The following WNT7B variants were observed in gnomAD, a reference collection of about 807,000 sequenced individuals.
WNT7B encodes the protein protein Wnt-7b.
WNT7B carries 19 observed loss-of-function variants against 38.2 expected under a neutral mutation model. The ratio of observed to expected loss-of-function variants is 0.50; its 90% confidence interval spans 0.35 to 0.73. The LOEUF (loss-of-function observed/expected upper bound fraction) is 0.73, where lower values mean the gene tolerates loss of function less well. WNT7B is among the 30% of genes least tolerant of loss of function. The pLI is 0.01. For missense variants in WNT7B, 423 were observed against 507.9 expected, an observed-to-expected ratio of 0.83 and a Z score of 1.61; for synonymous variants, 243 against 209.3, an observed-to-expected ratio of 1.16 and a Z score of -1.39.
rs2146709931 is a variant in WNT7B at position 45,929,590 on chromosome 22, ATTCATGCATCCATCCACCTG to A, written c.570+1488_570+1507del. Among the ~76,000 whole-genome samples the A allele has an allele frequency of 4.3e-5, 6 of 139,798 alleles. No homozygotes were observed. In the South Asian group the frequency reaches 1.4e-3, roughly 32 times the overall value. The allele number at this position is 139,798 out of a possible 152,430, so 91.7% of individuals were successfully genotyped here. A position where few individuals can be genotyped will look rare whatever the true frequency, so the allele number is the denominator to read the frequency against. On this transcript the variant is annotated intron_variant, in intron 3 of 3. Coordinates refer to ENST00000339464, the MANE Select transcript of WNT7B (RefSeq NM_058238.3). The stretch of plus-strand genomic sequence containing the variant: ...CCCTCATTCATCCATACTTCCATCC[ATTCATGCATCCATCCACCTG>A]CCCATACACCCATCCTTCCATCCAT...
chr22:45,935,935 C>T, intron 2 of WNT7B: 1 of 985,288 alleles, frequency 1.0e-6, no homozygotes, highest in African/African-American at 1.7e-5. Flanking sequence ...CCTGCTGGTA[C>T]ACTTGGGTCT....
chr22:45,971,296 G>T lies in WNT7B; in HGVS notation c.71+5388C>A, dbSNP rs541768059. ...GAGAGCAGGCTCTGAGGTTTAATCA[G>T]TAGCATCCAGCTTAAATTCCCCCAA... is the stretch of plus-strand genomic sequence containing the variant. On this transcript the variant is annotated intron_variant, in intron 1 of 3. Transcript: ENST00000339464. 3.3e-5 allele frequency among the ~76,000 whole-genome samples: 5 copies of T among 152,198 alleles called. No homozygotes were observed. The South Asian group carries it at 1.0e-3, about 31-fold the overall frequency.
intron 2 of WNT7B, among the ~76,000 whole-genome samples, chr22:45,943,209 TC>T (rs1410953484): frequency 6.6e-6 from 1 of 152,198 alleles, no homozygotes; most frequent in Non-Finnish European, 1.5e-5. Context: ...TCCCTCTCTG[TC>T]CCTCTGTCTC....
chr22:45,971,407 C>T (rs925807378), intron 1 of WNT7B, among the ~76,000 whole-genome samples: 14 of 152,234 alleles, frequency 9.2e-5, no homozygotes, highest in Admixed American at 4.6e-4. Context: ...GCCACCACTG[C>T]GCGCCCCCTG....
At chr22:45,961,451 C>A (rs1932195110) in intron 1 of WNT7B, among the ~76,000 whole-genome samples, 1 of 152,198 alleles carries the variant, frequency 6.6e-6, no homozygotes, top group South Asian at 2.1e-4. Flanking sequence ...GGCCCTGGAA[C>A]CGTTTCCCAC....
chr22:45,960,504 C>T (rs1932172076), intron 1 of WNT7B, among the ~76,000 whole-genome samples: 1 of 152,182 alleles, frequency 6.6e-6, no homozygotes, highest in Admixed American at 6.5e-5. Context: ...CAGCCCCCTC[C>T]CCAGCTCTCT....
intron 2 of WNT7B, among the ~76,000 whole-genome samples, chr22:45,933,396 C>A (rs1006129670): frequency 6.6e-6 from 1 of 152,186 alleles, no homozygotes; most frequent in Non-Finnish European, 1.5e-5. Flanking sequence ...TGGGCCAGGG[C>A]CAGGAGGATA....
chr22:45,927,427 C>A, intron 3 of WNT7B: 1 of 1,544,668 alleles, frequency 6.5e-7, no homozygotes, highest in Non-Finnish European at 8.7e-7. Context: ...GCCTGGGCCA[C>A]ATGCCAGCTA....
chr22:45,974,921 G>A (rs914852678), intron 1 of WNT7B, among the ~76,000 whole-genome samples: 1 of 152,116 alleles, frequency 6.6e-6, no homozygotes, highest in Admixed American at 6.5e-5. Context: ...CCCAGGAGCC[G>A]GGCTAGGGTG....
Position 45,939,670 on chromosome 22 carries a change from C to CACACACACAA in WNT7B, c.299-8302_299-8301insTTGTGTGTGT, listed in dbSNP as rs1417517350. On this transcript the variant is annotated intron_variant, in intron 2 of 3. Transcript: ENST00000339464. ...ACACTCACACACACACACACACACA[C>CACACACACAA]AAAAATAGCCAGGTGTGGTGGTGCA... Among the ~76,000 whole-genome samples, 12 of 151,486 alleles carry CACACACACAA rather than the reference C, an allele frequency of 7.9e-5. No individual in the cohort carries two copies. In the East Asian group the frequency reaches 1.4e-3, roughly 17 times the overall value.
At chr22:45,934,679 C>T (rs147744803) in intron 2 of WNT7B, among the ~76,000 whole-genome samples, 1 of 152,352 alleles carries the variant, frequency 6.6e-6, no homozygotes, top group Non-Finnish European at 1.5e-5. Flanking sequence ...CCACAAGCCT[C>T]CCTTCCAGCC....
At chr22:45,927,262 G>C in intron 3 of WNT7B, 3 of 985,388 alleles carry the variant, frequency 3.0e-6, no homozygotes, top group Non-Finnish European at 3.6e-6. Context: ...ACAGTTTTCC[G>C]CACAGGCACC....
intron 3 of WNT7B, among the ~76,000 whole-genome samples, chr22:45,927,879 G>C (rs1931141658): frequency 6.6e-6 from 1 of 152,242 alleles, no homozygotes; most frequent in Non-Finnish European, 1.5e-5. Flanking sequence ...CTCAGCGACA[G>C]AGCAAGACTC....
chr22:45,928,867 G>C (rs572439727), intron 3 of WNT7B, among the ~76,000 whole-genome samples: 1 of 151,962 alleles, frequency 6.6e-6, no homozygotes, highest in African/African-American at 2.4e-5. Flanking sequence ...CGCATACCAC[G>C]ACATACCACG....
intron 2 of WNT7B, among the ~76,000 whole-genome samples, chr22:45,944,240 A>G (rs1488357923): frequency 6.6e-6 from 1 of 152,116 alleles, no homozygotes; most frequent in Non-Finnish European, 1.5e-5. Flanking sequence ...CCCAACTTGC[A>G]TGAGTTCCAG....
chr22:45,933,074 G>C (rs934408252), intron 2 of WNT7B, among the ~76,000 whole-genome samples: 1 of 152,188 alleles, frequency 6.6e-6, no homozygotes, highest in Non-Finnish European at 1.5e-5. Context: ...AGCCAGGTGG[G>C]GGTCCCTCTT....
chr22:45,976,413 C>G lies in WNT7B; in HGVS notation c.71+271G>C, dbSNP rs1932552499. Reference sequence around the variant, plus strand: ...CAAACAGGTGAAAGTACGCGCCGGGCACGCTCGCCGCTACCCGCGAGCCCG... The same window carrying G: ...CAAACAGGTGAAAGTACGCGCCGGGGACGCTCGCCGCTACCCGCGAGCCCG... On this transcript the variant is annotated intron_variant, in intron 1 of 3. Transcript: ENST00000339464. This position sits in a 1 kb window ranked among gnomAD's most constrained non-coding sequence, Gnocchi z 8.5. Among the ~76,000 whole-genome samples the G allele has an allele frequency of 6.6e-6, 1 of 151,772 alleles. No homozygotes were observed. The highest frequency in any genetic ancestry group is 6.5e-5 in the Admixed American group (1 of 15,270).
chr22:45,953,723 T>TAAAA (rs528714196), intron 1 of WNT7B, among the ~76,000 whole-genome samples: 6 of 134,308 alleles, frequency 4.5e-5, no homozygotes, highest in East Asian at 2.2e-4. Context: ...GGCTATGATT[T>TAAAA]AAAAAAAAAA....
chr22:45,966,528 G>T lies in WNT7B; in HGVS notation c.71+10156C>A, dbSNP rs1384398400. Among the ~76,000 whole-genome samples the T allele has an allele frequency of 6.6e-6, 1 of 152,208 alleles. No homozygotes were observed. Among genetic ancestry groups the T allele is most frequent in the Non-Finnish European group, 1.5e-5 (1 of 68,040 alleles). ...GGGGTCATGGGATAGGACTCCAGGG[G>T]ATGCTCACTCGGGCTCTTCTCCGTT... On this transcript the variant is annotated intron_variant, in intron 1 of 3. Transcript: ENST00000339464. The surrounding 1 kb of genome is among the most constrained non-coding windows in gnomAD (Gnocchi z 4.2).
Sources: gnomAD v4.1 joint callset for allele counts (sites outside exome capture counted in the v4.1 genomes callset) on GRCh38, gnomAD v4.1.1 for gene constraint, Gnocchi (gnomAD v3.1) non-coding constraint, MANE v1.5 for transcripts, NCBI Gene and HGNC (gene_info 2026-07-23, HGNC 2026-07-21) for gene names.